BARD1: variants seen among roughly 807,000 people sequenced by gnomAD.
BARD1 encodes BRCA1-associated RING domain protein 1.
BARD1 carries 73 observed loss-of-function variants against 77.0 expected under a neutral mutation model. The observed-to-expected ratio is 0.95, with a 90% CI of 0.79 to 1.15. BARD1 has a LOEUF of 1.15. Ranked by LOEUF, BARD1 falls within the 50% of genes most tolerant of loss-of-function variation. BARD1 has a pLI of 0.00. For synonymous variants in BARD1, 384 were observed against 338.0 expected (o/e 1.14, Z -1.49); for missense variants, 993 against 938.8 (o/e 1.06, Z -0.75).
chr2:214,739,102 T>C (rs954243950), intron 9 of BARD1, among the ~76,000 whole-genome samples: 1 of 152,136 alleles, frequency 6.6e-6, no homozygotes, highest in African/African-American at 2.4e-5. Context: ...AGAGCTATGA[T>C]TGCACCACTG....
At position 214,780,555 on chromosome 2, in the gene BARD1, C is replaced by G. The variant is rs868089048; in HGVS notation, c.1314+5G>C. On this transcript the variant is annotated splice_donor_5th_base_variant and intron_variant, in intron 4 of 10. Coordinates refer to ENST00000260947, the MANE Select transcript of BARD1 (RefSeq NM_000465.4). The stretch of plus-strand genomic sequence containing the variant: ...TGAGATGGTATTTCAGAGTAAGCAT[C>G]CTACCTTAATAGAAGCAATATGGAG... 6.2e-7 allele frequency: 1 copy of G among 1,612,220 alleles called. No homozygotes were observed. Among genetic ancestry groups the G allele is most frequent in the Non-Finnish European group, 8.5e-7 (1 of 1,178,548 alleles).
At chr2:214,744,798 T>A (rs1693019861) in intron 9 of BARD1, among the ~76,000 whole-genome samples, 2 of 151,750 alleles carry the variant, frequency 1.3e-5, no homozygotes, top group Admixed American at 1.3e-4. Context: ...GCCCGGCTAA[T>A]TTTTTTGTAT....
chr2:214,732,338 AAATT>A, intron 9 of BARD1, among the ~76,000 whole-genome samples: 1 of 152,270 alleles, frequency 6.6e-6, no homozygotes, highest in Middle Eastern at 3.4e-3. Context: ...CATCTAATAT[AAATT>A]AAGATTCAGT....
At chr2:214,792,897 A>G (rs1339520232) in intron 2 of BARD1, among the ~76,000 whole-genome samples, 1 of 152,102 alleles carries the variant, frequency 6.6e-6, no homozygotes, top group Non-Finnish European at 1.5e-5. Flanking sequence ...AAGATCTTTG[A>G]CTTTTTCAGA....
At chr2:214,794,374 T>A (rs1434729982) in intron 2 of BARD1, among the ~76,000 whole-genome samples, 1 of 152,196 alleles carries the variant, frequency 6.6e-6, no homozygotes, top group Admixed American at 6.5e-5. Context: ...TACAATTATG[T>A]ATAAAGCCAG....
intron 4 of BARD1, among the ~76,000 whole-genome samples, chr2:214,772,481 T>C (rs1694549686): frequency 6.6e-6 from 1 of 151,904 alleles, no homozygotes; most frequent in Non-Finnish European, 1.5e-5. Flanking sequence ...GCTTAAAAAA[T>C]AATATAAACA....
rs1574815873 is a variant in BARD1, at chr2:214,780,570, G to A, written c.1304C>T (p.Ala435Val). 1.2e-6 allele frequency: 2 copies of A among 1,613,548 alleles called. No homozygotes were observed. The highest frequency in any genetic ancestry group is 2.7e-5 in the African/African-American group (2 of 75,050). ...GAGTAAGCATCCTACCTTAATAGAA[G>A]CAATATGGAGCAAAGTCTCTCCTCT... ...NHRGETLLHI[A>V]SIKGDIPSVE... Residue 435 changes from alanine to valine, a missense_variant, in exon 4 of 11, where the codon GCT becomes GTT. Physicochemically the swap from Ala to Val is moderately conservative, Grantham distance 64. Coordinates refer to ENST00000260947, the MANE Select transcript of BARD1 (RefSeq NM_000465.4).
At chr2:214,808,277 C>T (rs924790533) in intron 1 of BARD1, among the ~76,000 whole-genome samples, 1 of 152,136 alleles carries the variant, frequency 6.6e-6, no homozygotes, top group Non-Finnish European at 1.5e-5. Context: ...GGCATGATGG[C>T]GGGCGCCTGC....
chr2:214,769,160 G>T, intron 5 of BARD1, 72 bp downstream of exon 5: 2 of 1,303,702 alleles, frequency 1.5e-6, no homozygotes, highest in South Asian at 1.2e-5. Flanking sequence ...ATGATATATA[G>T]ACAACTACAT....
At chr2:214,761,745 G>T (rs1290206544) in intron 6 of BARD1, among the ~76,000 whole-genome samples, 1 of 152,078 alleles carries the variant, frequency 6.6e-6, no homozygotes, top group Non-Finnish European at 1.5e-5. Context: ...AGCTTCCACA[G>T]GGCAATAAAG....
rs786203220 is a variant in BARD1 at position 214,767,612 on chromosome 2, A to G, written c.1438T>C (p.Leu480=). The G allele has an allele frequency of 1.9e-6, 3 of 1,614,112 alleles. No homozygotes were observed. The highest frequency in any genetic ancestry group is 2.5e-6 in the Non-Finnish European group (3 of 1,179,968). Residue 480 remains leucine, a synonymous_variant, in exon 6 of 11, where the codon TTG becomes CTG. Coordinates refer to ENST00000260947, the MANE Select transcript of BARD1 (RefSeq NM_000465.4). ...TTCACCAATGCCTTATGCTGGAGCA[A>G]TAATTCCACTACCTTCAGGTGCCCA... is the stretch of plus-strand genomic sequence containing the variant. ...NHGHLKVVEL[L]LQHKALVNTT...
chr2:214,790,301 G>A (rs1343290515), intron 3 of BARD1, among the ~76,000 whole-genome samples: 1 of 152,086 alleles, frequency 6.6e-6, no homozygotes, highest in Non-Finnish European at 1.5e-5. Context: ...TAACCCCCCA[G>A]TAACTTAGAA....
intron 4 of BARD1, among the ~76,000 whole-genome samples, chr2:214,774,546 G>A (rs1297717359): frequency 1.3e-5 from 2 of 152,160 alleles, no homozygotes; most frequent in Non-Finnish European, 2.9e-5. Flanking sequence ...CTCAACAGCA[G>A]GCTTAAAATA....
In BARD1 at chr2:214,752,571, C is replaced by T. The variant is rs781375440; in HGVS notation, c.1569-16G>A. The T allele has an allele frequency of 1.3e-5, 21 of 1,589,720 alleles. No individual in the cohort carries two copies. Among genetic ancestry groups the T allele is most frequent in the Non-Finnish European group, 1.8e-5 (21 of 1,158,052 alleles). On this transcript the variant is annotated splice_polypyrimidine_tract_variant and intron_variant, in intron 6 of 10. Transcript: ENST00000260947. ...AAATATATTACTGGTAAAATAAGTG[C>T]AGATGTGTTTAAGTAAGTCAAATGT...
chr2:214,793,461 G>C (rs975705891), intron 2 of BARD1, among the ~76,000 whole-genome samples: 1 of 152,118 alleles, frequency 6.6e-6, no homozygotes, highest in Non-Finnish European at 1.5e-5. Flanking sequence ...AGGATCTTCT[G>C]TACATTTGTT....
At chr2:214,752,648 A>C (rs915731205) in intron 6 of BARD1, 93 bp from the exon 7 acceptor site, 1 of 911,342 alleles carries the variant, frequency 1.1e-6, no homozygotes, top group Admixed American at 1.8e-5. Context: ...TTTTAACTAA[A>C]ATAAATTACT....
intron 4 of BARD1, among the ~76,000 whole-genome samples, chr2:214,775,083 G>A (rs1049641298): frequency 3.3e-5 from 5 of 152,096 alleles, no homozygotes; most frequent in East Asian, 1.9e-4. Flanking sequence ...GCAGTAAGGC[G>A]GTTATGCTTT....
chr2:214,792,150 TAA>T (rs536345234), intron 3 of BARD1, 145 bp downstream of exon 3: 7,307 of 556,316 alleles, frequency 0.013, no homozygotes, highest in East Asian at 0.017. Context: ...AATGGCTATT[TAA>T]AAAAAAAAAA....
chr2:214,782,314 T>A (rs775461796), intron 3 of BARD1, among the ~76,000 whole-genome samples: 30 of 152,098 alleles, frequency 2.0e-4, no homozygotes, highest in Non-Finnish European at 3.8e-4. Context: ...CAAAACTGAT[T>A]TAATGTGTTA....
Sources: gnomAD v4.1 joint callset for allele counts (sites outside exome capture counted in the v4.1 genomes callset) on GRCh38, gnomAD v4.1.1 for gene constraint, MANE v1.5 for transcripts, NCBI Gene and HGNC (gene_info 2026-07-23, HGNC 2026-07-21) for gene names.